JAK1: variants seen among roughly 807,000 people sequenced by gnomAD.
JAK1 encodes Janus kinase 1, also known as tyrosine-protein kinase JAK1.
A neutral mutation model predicts 136.6 loss-of-function variants in JAK1; 16 were observed. The ratio of observed to expected loss-of-function variants is 0.12; its 90% CI spans 0.08 to 0.18. The LOEUF (loss-of-function observed/expected upper bound fraction) is 0.18. Ranked by LOEUF, JAK1 falls within the 10% of genes least tolerant of loss-of-function variation. The probability of loss-of-function intolerance (pLI) is 1.00; values close to 1 mark genes in which losing one functional copy is unlikely to be tolerated. For missense variants in JAK1, 859 were observed against 1,450.1 expected (o/e 0.59, Z 6.62); for synonymous variants, 492 against 519.5 (o/e 0.95, Z 0.72).
intron 1 of JAK1, among the ~76,000 whole-genome samples, chr1:64,907,412 G>C (rs1008856791): frequency 6.6e-6 from 1 of 152,154 alleles, no homozygotes; most frequent in South Asian, 2.1e-4. Context: ...TAGAAAAAGT[G>C]CTGGACCCGT....
intron 2 of JAK1, among the ~76,000 whole-genome samples, chr1:64,980,622 G>A (rs1319592870): frequency 2.7e-5 from 4 of 150,434 alleles, no homozygotes; most frequent in African/African-American, 7.4e-5. Context: ...TGTGCACAAC[G>A]TGCCGGTTTG....
chr1:64,843,778 T>C (rs1202159682), intron 17 of JAK1, among the ~76,000 whole-genome samples: 2 of 152,204 alleles, frequency 1.3e-5, no homozygotes, highest in African/African-American at 2.4e-5. Context: ...AATAATACTA[T>C]AACATCTATC....
intron 2 of JAK1, among the ~76,000 whole-genome samples, chr1:64,999,615 G>T (rs1646734229): frequency 6.6e-6 from 1 of 151,980 alleles, no homozygotes. Flanking sequence ...CATGCCTGTG[G>T]TCCCAGCTTC....
intron 1 of JAK1, among the ~76,000 whole-genome samples, chr1:65,065,097 T>C (rs889096391): frequency 3.3e-5 from 5 of 152,190 alleles, no homozygotes; most frequent in Non-Finnish European, 1.5e-5. Context: ...GATTTAAAAG[T>C]TGATCTTTTC....
At chr1:64,946,025 C>T (rs1485914594) in intron 1 of JAK1, among the ~76,000 whole-genome samples, 5 of 152,166 alleles carry the variant, frequency 3.3e-5, no homozygotes, top group Admixed American at 6.5e-5. Context: ...GCATGAGCCA[C>T]GGCACCCGGC....
intron 3 of JAK1, among the ~76,000 whole-genome samples, chr1:64,879,912 T>G (rs1423401773): frequency 6.6e-6 from 1 of 152,124 alleles, no homozygotes; most frequent in East Asian, 1.9e-4. Flanking sequence ...CGCCCATGAT[T>G]AAAATTTTAT....
At chr1:64,873,316 C>G in intron 5 of JAK1, 54 bp downstream of exon 5, 3 of 1,607,390 alleles carry the variant, frequency 1.9e-6, no homozygotes, top group Non-Finnish European at 1.7e-6. Flanking sequence ...CTGAGCTCTA[C>G]AATGCCTCTC....
chr1:64,879,282 G>A lies in JAK1; in HGVS notation c.206-134C>T. The A allele has an allele frequency of 3.0e-6, 3 of 1,008,094 alleles. No individual in the cohort carries two copies. The South Asian group carries it at 5.2e-5, about 17-fold the overall frequency. The allele number at this position is 1,008,094 out of a possible 1,614,324, so 62.4% of individuals were successfully genotyped here. On this transcript the variant is annotated intron_variant, in intron 3 of 24. Transcript: ENST00000342505. ...TCTGGGTCACTCATATCCTCTTAGG[G>A]CAAACAGACTTCCGACCAGGTTCGG...
At chr1:64,943,699 G>T (rs560129283) in intron 1 of JAK1, among the ~76,000 whole-genome samples, 1 of 152,168 alleles carries the variant, frequency 6.6e-6, no homozygotes, top group East Asian at 1.9e-4. Flanking sequence ...ATAAAGAAAT[G>T]AGTGATTGAT....
rs10465809 is a variant in JAK1, at chr1:64,979,029, T to C, written c.-78+65451A>G. ...TATTGGCCACGAAATCATGTATGCA[T>C]TTGACAAGTGGGATAACTGAAGTGT... On this transcript the variant is annotated intron_variant, in intron 2 of 25. Coordinates refer to the JAK1 transcript ENST00000671954. Among the ~76,000 whole-genome samples, 269 of 152,302 alleles carry C rather than the reference T, an allele frequency of 1.8e-3. 1 individual carries two copies. The highest frequency in any genetic ancestry group is 6.1e-3 in the African/African-American group (255 of 41,562).
chr1:65,010,353 T>C (rs993547169), intron 2 of JAK1, among the ~76,000 whole-genome samples: 2 of 152,050 alleles, frequency 1.3e-5, no homozygotes, highest in East Asian at 1.9e-4. Context: ...CCTCCTGCCC[T>C]CAGAACACTT....
At chr1:64,888,240 G>A (rs1430430770) in intron 1 of JAK1, among the ~76,000 whole-genome samples, 1 of 152,220 alleles carries the variant, frequency 6.6e-6, no homozygotes, top group African/African-American at 2.4e-5. Context: ...GGAGTGCAGT[G>A]GCATGATCTC....
chr1:64,864,719 G>A, intron 8 of JAK1, 68 bp downstream of exon 8: 1 of 1,234,310 alleles, frequency 8.1e-7, no homozygotes, highest in Non-Finnish European at 1.2e-6. Flanking sequence ...ATGTGCTGCA[G>A]AACGGAACTC....
intron 1 of JAK1, among the ~76,000 whole-genome samples, chr1:65,052,403 C>A (rs1178479642): frequency 6.6e-6 from 1 of 152,152 alleles, no homozygotes; most frequent in Admixed American, 6.5e-5. Context: ...CTAGGCCGGG[C>A]ATGGTGGCTC....
intron 1 of JAK1, among the ~76,000 whole-genome samples, chr1:64,907,509 G>A (rs900000849): frequency 6.6e-6 from 1 of 152,106 alleles, no homozygotes; most frequent in African/African-American, 2.4e-5. Context: ...GACACACAGC[G>A]GGGAACATCA....
At chr1:64,841,194 G>A (rs1380660021) in intron 19 of JAK1, 51 bp downstream of exon 19, 1 of 1,267,190 alleles carries the variant, frequency 7.9e-7, no homozygotes, top group Non-Finnish European at 1.2e-6. Flanking sequence ...GTGGCGCTGT[G>A]GATGGCGGAG....
chr1:64,844,683 G>T lies in JAK1; in HGVS notation c.2251+71C>A. ...ACTCTCTAAAAGGAGACCAACCCCAGCCCAGCCCTTCTCTCTGCTGACTTG... is the reference window on the plus strand; with the variant it reads ...ACTCTCTAAAAGGAGACCAACCCCATCCCAGCCCTTCTCTCTGCTGACTTG... On this transcript the variant is annotated intron_variant, in intron 16 of 24. Coordinates refer to ENST00000342505, the MANE Select transcript of JAK1 (RefSeq NM_002227.4). This position sits in a 1 kb window ranked among gnomAD's most constrained non-coding sequence, Gnocchi z 5.7. The T allele has an allele frequency of 6.3e-7, 1 of 1,583,470 alleles. No individual in the cohort carries two copies. The highest frequency in any genetic ancestry group is 8.7e-7 in the Non-Finnish European group (1 of 1,154,406).
chr1:64,880,498 T>C (rs1644753789), intron 3 of JAK1, among the ~76,000 whole-genome samples: 1 of 152,238 alleles, frequency 6.6e-6, no homozygotes, highest in Admixed American at 6.5e-5. Flanking sequence ...GTGTAACTTA[T>C]TTTAACCATG....
chr1:64,911,768 T>C (rs1409828667), intron 1 of JAK1, among the ~76,000 whole-genome samples: 1 of 152,232 alleles, frequency 6.6e-6, no homozygotes, highest in Non-Finnish European at 1.5e-5. Flanking sequence ...CTTTCAGTTT[T>C]AAATCCAAGC....
Sources: gnomAD v4.1 joint callset for allele counts (sites outside exome capture counted in the v4.1 genomes callset) on GRCh38, gnomAD v4.1.1 for gene constraint, Gnocchi (gnomAD v3.1) non-coding constraint, MANE v1.5 for transcripts, NCBI Gene and HGNC (gene_info 2026-07-23, HGNC 2026-07-21) for gene names.